PDZD2: variants seen among roughly 807,000 people sequenced by gnomAD.
PDZD2 encodes PDZ domain-containing protein 2.
Under a neutral mutation model 220.7 loss-of-function variants are expected in PDZD2, and 90 were observed. The observed-to-expected ratio is 0.41, with a 90% CI of 0.34 to 0.49. The LOEUF (loss-of-function observed/expected upper bound fraction) is 0.49, where lower values mean the gene tolerates loss of function less well. Among genes scored for constraint, PDZD2 ranks in the 20% least tolerant of loss-of-function variants. PDZD2 has a pLI of 0.28. For synonymous variants in PDZD2, 1,375 were observed against 1,450.5 expected (o/e 0.95, Z 1.18); for missense variants, 3,174 against 3,608.5 (o/e 0.88, Z 3.08).
At chr5:31,782,430 C>G (rs1169671371) in intron 1 of PDZD2, among the ~76,000 whole-genome samples, 1 of 152,106 alleles carries the variant, frequency 6.6e-6, no homozygotes, top group African/African-American at 2.4e-5. Flanking sequence ...AATGAGGAGT[C>G]TCCGGAGACA....
intron 2 of PDZD2, among the ~76,000 whole-genome samples, chr5:31,905,595 A>C (rs1324777318): frequency 6.6e-6 from 1 of 152,208 alleles, no homozygotes; most frequent in Admixed American, 6.5e-5. Context: ...ATATAGCTTC[A>C]TGCTAGCTCT....
intron 2 of PDZD2, among the ~76,000 whole-genome samples, chr5:31,871,555 A>G (rs551513931): frequency 4.8e-4 from 72 of 151,388 alleles, no homozygotes; most frequent in Non-Finnish European, 9.4e-4. Flanking sequence ...GGGTCAAGTG[A>G]TTCTCCTGCC....
rs1329190782 is a variant in PDZD2 at position 32,089,249 on chromosome 5, G to C, written c.5801G>C (p.Arg1934Pro). The change falls in exon 20 of 25, where the codon CGG (arginine) becomes CCG (proline). Residue 1934 changes from arginine to proline, a missense_variant. Arg to Pro is a moderately radical substitution (Grantham distance 103). Transcript: ENST00000438447. Reference protein sequence around the residue: ...HKTLSKAVSQRLHVADHEDPD... With the variant: ...HKTLSKAVSQPLHVADHEDPD... The stretch of plus-strand genomic sequence containing the variant: ...ACACTTTCTAAGGCAGTGTCACAGC[G>C]GCTCCATGTAGCCGACCACGAGGAC... 9.9e-6 allele frequency: 16 copies of C among 1,614,090 alleles called. No individual in the cohort carries two copies. The highest frequency in any genetic ancestry group is 1.4e-5 in the Non-Finnish European group (16 of 1,180,004).
At chr5:31,984,743 G>A (rs36023412) in intron 3 of PDZD2, among the ~76,000 whole-genome samples, 57,778 of 151,842 alleles carry the variant, frequency 0.38, 11,405 homozygotes, top group Non-Finnish European at 0.44. Context: ...TGAGAGGATC[G>A]CTTGAGTCTG....
intron 2 of PDZD2, among the ~76,000 whole-genome samples, chr5:31,918,668 C>T (rs145896123): frequency 2.3e-4 from 35 of 152,212 alleles, no homozygotes; most frequent in African/African-American, 7.5e-4. Context: ...TGGCTCATCC[C>T]TAGCCAGGAA....
intron 19 of PDZD2, among the ~76,000 whole-genome samples, chr5:32,086,601 A>G (rs1052425601): frequency 2.6e-5 from 4 of 152,196 alleles, no homozygotes; most frequent in African/African-American, 9.7e-5. Context: ...TGGGTACTCT[A>G]TAATTTTAGA....
chr5:32,020,007 C>T (rs903824016), intron 6 of PDZD2, among the ~76,000 whole-genome samples: 2 of 151,504 alleles, frequency 1.3e-5, no homozygotes, highest in African/African-American at 4.9e-5. Flanking sequence ...TGTCTGTGGT[C>T]CACAAGCTGA....
intron 24 of PDZD2, among the ~76,000 whole-genome samples, chr5:32,104,231 A>C (rs1476589585): frequency 6.6e-6 from 1 of 152,036 alleles, no homozygotes; most frequent in African/African-American, 2.4e-5. Context: ...CATATTTACA[A>C]ATTTCATGAG....
chr5:31,893,995 A>G (rs968610801), intron 2 of PDZD2, among the ~76,000 whole-genome samples: 34 of 150,374 alleles, frequency 2.3e-4, no homozygotes, highest in Admixed American at 4.0e-4. Flanking sequence ...CCCGGGTTCA[A>G]GTGATTCTCC....
At chr5:31,802,361 TA>T (rs746092602) in intron 2 of PDZD2, among the ~76,000 whole-genome samples, 3 of 152,168 alleles carry the variant, frequency 2.0e-5, no homozygotes, top group Non-Finnish European at 4.4e-5. Context: ...GCCGCAGTGA[TA>T]ACTGGCAGAG....
intron 24 of PDZD2, among the ~76,000 whole-genome samples, chr5:32,101,567 T>A (rs1744260987): frequency 1.3e-5 from 2 of 152,172 alleles, no homozygotes; most frequent in Non-Finnish European, 2.9e-5. Flanking sequence ...CTGCAGCAGT[T>A]CCTTACTCCG....
chr5:31,821,543 G>C (rs1252600879), intron 2 of PDZD2, among the ~76,000 whole-genome samples: 2 of 152,002 alleles, frequency 1.3e-5, no homozygotes, highest in Non-Finnish European at 2.9e-5. Context: ...ACCACACTCA[G>C]CTAATTTTTG....
intron 1 of PDZD2, among the ~76,000 whole-genome samples, chr5:31,758,536 A>G (rs1751436062): frequency 6.6e-6 from 1 of 152,194 alleles, no homozygotes; most frequent in African/African-American, 2.4e-5. Flanking sequence ...GAGGGACATG[A>G]CTGGGCCGAT....
chr5:32,110,118 T>TTCAAG lies in PDZD2; in HGVS notation c.*1988_*1992dup, dbSNP rs1332683789. On this transcript the variant is annotated 3_prime_UTR_variant, in exon 25 of 25. Coordinates refer to ENST00000438447, the MANE Select transcript of PDZD2 (RefSeq NM_178140.4). ...CTTTCTTGCCTAAATCAAAGACTAT[T>TTCAAG]TCAAGTCAACAACACTGAAAACTGC... 1 of 152,782 alleles carries TTCAAG rather than the reference T, an allele frequency of 6.5e-6. No homozygotes were observed. Among genetic ancestry groups the TTCAAG allele is most frequent in the Admixed American group, 6.5e-5 (1 of 15,298 alleles). 9.5% of individuals were successfully genotyped at this position (152,782 alleles called of 1,614,324 possible). A position where few individuals can be genotyped will look rare whatever the true frequency, so the allele number is the denominator to read the frequency against.
chr5:31,954,106 A>G (rs1387677344), intron 2 of PDZD2, among the ~76,000 whole-genome samples: 1 of 151,966 alleles, frequency 6.6e-6, no homozygotes, highest in Non-Finnish European at 1.5e-5. Flanking sequence ...ACAGAGTGAG[A>G]CACTGTCCCT....
intron 2 of PDZD2, among the ~76,000 whole-genome samples, chr5:31,960,438 GA>G (rs1210563397): frequency 6.6e-6 from 1 of 152,080 alleles, no homozygotes; most frequent in East Asian, 1.9e-4. Flanking sequence ...TCGAACTCCT[GA>G]CCTCAGGTGG....
intron 2 of PDZD2, among the ~76,000 whole-genome samples, chr5:31,949,668 CTT>C (rs5867121): frequency 1.9e-3 from 245 of 127,828 alleles, no homozygotes; most frequent in East Asian, 5.4e-3. Flanking sequence ...CCATTTTTAG[CTT>C]TTTTTTTTTT....
At chr5:31,896,950 C>T (rs1339258530) in intron 2 of PDZD2, among the ~76,000 whole-genome samples, 1 of 152,122 alleles carries the variant, frequency 6.6e-6, no homozygotes, top group Non-Finnish European at 1.5e-5. Context: ...GACTCTGTCT[C>T]AAAAACCAGT....
intron 2 of PDZD2, among the ~76,000 whole-genome samples, chr5:31,899,474 A>G (rs921118194): frequency 6.6e-6 from 1 of 152,116 alleles, no homozygotes; most frequent in Admixed American, 6.6e-5. Context: ...GACTTCTAGC[A>G]TTGTCCTGGA....
Sources: allele counts gnomAD v4.1 joint callset (sites outside exome capture counted in the v4.1 genomes callset), GRCh38; gene constraint gnomAD v4.1.1; transcripts MANE v1.5; gene names NCBI Gene and HGNC (gene_info 2026-07-23, HGNC 2026-07-21).